Variants in TTC28 observed in about 807,000 individuals in gnomAD.
TTC28 encodes tetratricopeptide repeat domain 28, also known as tetratricopeptide repeat protein 28.
A neutral mutation model predicts 198.0 loss-of-function variants in TTC28; 61 were observed. That is an observed-to-expected ratio of 0.31 (90% CI 0.25 to 0.38). The LOEUF is 0.38. Among genes scored for constraint, TTC28 ranks in the 10% least tolerant of loss-of-function variants. The pLI, the probability that TTC28 is intolerant of heterozygous loss-of-function variation, is 1.00. For synonymous variants in TTC28, 1,171 were observed against 1,297.8 expected, an observed-to-expected ratio of 0.90 and a Z score of 2.10; for missense variants, 2,678 against 3,164.0, an observed-to-expected ratio of 0.85 and a Z score of 3.69.
chr22:28,323,330 T>G (rs1370649487), intron 2 of TTC28, among the ~76,000 whole-genome samples: 2 of 152,100 alleles, frequency 1.3e-5, no homozygotes, highest in African/African-American at 2.4e-5. Flanking sequence ...GAAAGAGAAT[T>G]CAAAATATTA....
intron 6 of TTC28, among the ~76,000 whole-genome samples, chr22:28,121,191 C>A (rs1427639746): frequency 6.6e-6 from 1 of 152,220 alleles, no homozygotes; most frequent in East Asian, 1.9e-4. Flanking sequence ...CACTTTAAAT[C>A]TGAAACCCCA....
At chr22:28,293,421 G>A (rs941379980) in intron 5 of TTC28, among the ~76,000 whole-genome samples, 4 of 152,026 alleles carry the variant, frequency 2.6e-5, no homozygotes, top group Non-Finnish European at 4.4e-5. Context: ...TAAAATAGCT[G>A]AATTCATGCA....
intron 13 of TTC28, among the ~76,000 whole-genome samples, chr22:28,020,778 AACACAC>A (rs34174077): frequency 2.0e-5 from 3 of 148,896 alleles, no homozygotes; most frequent in Non-Finnish European, 4.5e-5. Context: ...CCCCTCCCCC[AACACAC>A]ACACACACAC....
At chr22:28,369,099 G>A (rs2046290461) in intron 2 of TTC28, among the ~76,000 whole-genome samples, 2 of 151,960 alleles carry the variant, frequency 1.3e-5, no homozygotes, top group African/African-American at 2.4e-5. Context: ...AAATGTATAT[G>A]GAATCAGAAA....
At chr22:28,395,165 T>C (rs561086468) in intron 2 of TTC28, among the ~76,000 whole-genome samples, 1 of 152,328 alleles carries the variant, frequency 6.6e-6, no homozygotes, top group African/African-American at 2.4e-5. Context: ...TTTAGAGATA[T>C]GCATGCATAT....
At chr22:28,566,364 C>T (rs2049970053) in intron 2 of TTC28, among the ~76,000 whole-genome samples, 2 of 151,986 alleles carry the variant, frequency 1.3e-5, no homozygotes, top group African/African-American at 2.4e-5. Context: ...GGAGGATACC[C>T]GAAAGACTGA....
At chr22:28,025,073 C>G (rs187998781) in intron 13 of TTC28, among the ~76,000 whole-genome samples, 5 of 152,104 alleles carry the variant, frequency 3.3e-5, no homozygotes, top group African/African-American at 1.2e-4. Flanking sequence ...CTGTAGCTGA[C>G]GGCAGATTGG....
At chr22:28,629,306 T>C in intron 2 of TTC28, 1 of 451,738 alleles carries the variant, frequency 2.2e-6, no homozygotes, top group East Asian at 3.7e-5. Context: ...GCGGCACAGA[T>C]AAAAAAAAAT....
Position 28,629,490 on chromosome 22 carries a change from A to G in TTC28, c.381+62T>C, listed in dbSNP as rs1391534274. 3 of 1,428,974 alleles carry G rather than the reference A, an allele frequency of 2.1e-6. No individual in the cohort carries two copies. In the East Asian group the frequency reaches 7.4e-5, roughly 35 times the overall value. The allele number at this position is 1,428,974 out of a possible 1,614,324, so 88.5% of individuals were successfully genotyped here. ...CACTAAATCAACAAAATATTACATTAAAGTAAGAAGCCAGGACAAAAGATT... is the reference window on the plus strand; with the variant it reads ...CACTAAATCAACAAAATATTACATTGAAGTAAGAAGCCAGGACAAAAGATT... On this transcript the variant is annotated intron_variant, in intron 2 of 22. Coordinates refer to ENST00000397906, the MANE Select transcript of TTC28 (RefSeq NM_001145418.2).
intron 2 of TTC28, among the ~76,000 whole-genome samples, chr22:28,481,790 T>A (rs2048250274): frequency 6.6e-6 from 1 of 152,150 alleles, no homozygotes; most frequent in African/African-American, 2.4e-5. Context: ...CAGCAATACT[T>A]CCAGCCAATT....
chr22:28,118,177 T>A (rs1032472171), intron 6 of TTC28, among the ~76,000 whole-genome samples: 13 of 152,090 alleles, frequency 8.5e-5, no homozygotes, highest in African/African-American at 3.1e-4. Context: ...GGCGGGTGGA[T>A]CACCTGAAGT....
chr22:27,980,776 TC>T lies in TTC28; in HGVS notation c.*1444del, dbSNP rs1394032557. 9.2e-5 allele frequency: 14 copies of T among 152,272 alleles called. No individual in the cohort carries two copies. The highest frequency in any genetic ancestry group is 3.1e-4 in the African/African-American group (13 of 41,478). The allele number at this position is 152,272 out of a possible 1,614,324, so 9.4% of individuals were successfully genotyped here. On this transcript the variant is annotated 3_prime_UTR_variant, in exon 23 of 23. Coordinates refer to ENST00000397906, the MANE Select transcript of TTC28 (RefSeq NM_001145418.2). ...CAGTACTAATACGACTTTCAGCATTTCCTTTCTTTATAAAATAAATTAATGG... is the reference window on the plus strand; with the variant it reads ...CAGTACTAATACGACTTTCAGCATTTCTTTCTTTATAAAATAAATTAATGG...
chr22:28,300,735 G>A (rs2045003215), intron 3 of TTC28, among the ~76,000 whole-genome samples: 1 of 152,170 alleles, frequency 6.6e-6, no homozygotes, highest in Non-Finnish European at 1.5e-5. Flanking sequence ...TTTTCTGAGA[G>A]TAGAAGGCAT....
chr22:28,320,326 C>T (rs2045426371), intron 2 of TTC28, among the ~76,000 whole-genome samples: 1 of 150,908 alleles, frequency 6.6e-6, no homozygotes. Flanking sequence ...AATGAAGGCA[C>T]AAGATATGGA....
chr22:28,187,691 C>A (rs9625425), intron 5 of TTC28, among the ~76,000 whole-genome samples: 6 of 152,124 alleles, frequency 3.9e-5, no homozygotes, highest in Admixed American at 1.3e-4. Context: ...GCATTAAACA[C>A]GTGTTAGGTA....
chr22:28,520,385 T>G (rs757198029), intron 2 of TTC28, among the ~76,000 whole-genome samples: 5 of 152,186 alleles, frequency 3.3e-5, no homozygotes, highest in Non-Finnish European at 5.9e-5. Context: ...ATCAACTGCA[T>G]ATGTATGAAT....
intron 2 of TTC28, among the ~76,000 whole-genome samples, chr22:28,516,073 G>A (rs867051203): frequency 1.3e-5 from 2 of 151,580 alleles, no homozygotes; most frequent in African/African-American, 4.8e-5. Flanking sequence ...TTGAACCCAG[G>A]AGGCGGAGGT....
At chr22:28,583,984 G>A (rs1017907414) in intron 2 of TTC28, among the ~76,000 whole-genome samples, 116 of 131,768 alleles carry the variant, frequency 8.8e-4, no homozygotes, top group African/African-American at 2.9e-3. Flanking sequence ...CTCTTTCTCC[G>A]TTTTTTTTTT....
At chr22:28,332,848 A>T (rs1287376704) in intron 2 of TTC28, among the ~76,000 whole-genome samples, 1 of 152,126 alleles carries the variant, frequency 6.6e-6, no homozygotes, top group Non-Finnish European at 1.5e-5. Flanking sequence ...CCTATTGGTC[A>T]ATAAGCTCTG....
Sources: gnomAD v4.1 joint callset for allele counts (sites outside exome capture counted in the v4.1 genomes callset) on GRCh38, gnomAD v4.1.1 for gene constraint, MANE v1.5 for transcripts, NCBI Gene and HGNC (gene_info 2026-07-23, HGNC 2026-07-21) for gene names.